Variants in SPRED1 observed in about 807,000 individuals in gnomAD.
SPRED1 encodes the protein sprouty-related, EVH1 domain-containing protein 1.
SPRED1 carries 18 observed loss-of-function variants against 52.3 expected under a neutral mutation model. The observed-to-expected ratio is 0.34, with a 90% CI of 0.24 to 0.51. The LOEUF (loss-of-function observed/expected upper bound fraction) is 0.51, where lower values mean the gene tolerates loss of function less well. Among genes scored for constraint, SPRED1 ranks in the 20% least tolerant of loss-of-function variants. The pLI is 0.97. For missense variants in SPRED1, 485 were observed against 551.0 expected (o/e 0.88, Z 1.20); for synonymous variants, 155 against 179.7 (o/e 0.86, Z 1.10).
chr15:38,353,997 A>AT lies in SPRED1; in HGVS notation c.*2339dup, dbSNP rs1888550808. ...GCTAAGATTTTGCCGTCCCATTCCC[A>AT]TTTTTTCCTTTACAATTTTAAACAA... On this transcript the variant is annotated 3_prime_UTR_variant, in exon 7 of 7. Coordinates refer to ENST00000299084, the MANE Select transcript of SPRED1 (RefSeq NM_152594.3). 6.6e-6 allele frequency: 1 copy of AT among 152,430 alleles called. No individual in the cohort carries two copies. 9.4% of individuals were successfully genotyped at this position (152,430 alleles called of 1,614,324 possible).
chr15:38,334,608 GT>G (rs1434450629), intron 4 of SPRED1, among the ~76,000 whole-genome samples: 1 of 151,958 alleles, frequency 6.6e-6, no homozygotes, highest in East Asian at 1.9e-4. Context: ...ATCATGCCAT[GT>G]TGACTGTTCT....
intron 1 of SPRED1, among the ~76,000 whole-genome samples, chr15:38,277,867 G>C (rs1894591620): frequency 6.6e-6 from 1 of 150,984 alleles, no homozygotes; most frequent in Admixed American, 6.6e-5. Context: ...GATTAGTGAT[G>C]TTGAGCATTT....
Position 38,351,750 on chromosome 15 carries a change from T to G in SPRED1, c.*86T>G, listed in dbSNP as rs1009278466. 2.7e-6 allele frequency: 4 copies of G among 1,491,852 alleles called. No homozygotes were observed. Among genetic ancestry groups the G allele is most frequent in the Non-Finnish European group, 3.7e-6 (4 of 1,095,586 alleles). 92.4% of individuals were successfully genotyped at this position (1,491,852 alleles called of 1,614,324 possible). A position where few individuals can be genotyped will look rare whatever the true frequency, so the allele number is the denominator to read the frequency against. ...TTGTGGAAGCTTTTGGCAAGCAATA[T>G]GGAATCTTGCCTGGTATCATTGAGC... is the stretch of plus-strand genomic sequence containing the variant. On this transcript the variant is annotated 3_prime_UTR_variant, in exon 7 of 7. Transcript: ENST00000299084.
At chr15:38,328,918 G>A (rs1291191378) in intron 4 of SPRED1, among the ~76,000 whole-genome samples, 6 of 152,004 alleles carry the variant, frequency 3.9e-5, no homozygotes, top group African/African-American at 1.2e-4. Flanking sequence ...GTTTTGCCAC[G>A]TTGCCCAGGC....
intron 4 of SPRED1, among the ~76,000 whole-genome samples, chr15:38,325,715 C>T (rs1038945232): frequency 3.0e-4 from 45 of 151,062 alleles, no homozygotes; most frequent in African/African-American, 1.1e-3. Flanking sequence ...GGAACTGAAG[C>T]GTTCAGACAA....
rs11632369 is a variant in SPRED1, at chr15:38,326,956, C to A, written c.423+2147C>A. On this transcript the variant is annotated intron_variant, in intron 4 of 6. Transcript: ENST00000299084. ...CACCTTGATTTCAGAATTATGTGCA[C>A]CAATAACTATGTTGTTCCTCTCATT... 1.2e-3 allele frequency among the ~76,000 whole-genome samples: 177 copies of A among 152,294 alleles called. 2 individuals carry two copies. The East Asian group carries it at 0.024, about 21-fold the overall frequency.
At chr15:38,272,123 G>T (rs974544852) in intron 1 of SPRED1, among the ~76,000 whole-genome samples, 1 of 152,074 alleles carries the variant, frequency 6.6e-6, no homozygotes, top group African/African-American at 2.4e-5. Context: ...TGGTATATAT[G>T]TACCACATTT....
rs549538289 is a variant in SPRED1 at position 38,283,690 on chromosome 15, G to T, written c.33-15683G>T. On this transcript the variant is annotated intron_variant, in intron 1 of 6. Coordinates refer to ENST00000299084, the MANE Select transcript of SPRED1 (RefSeq NM_152594.3). ...TTCCTTTCCAGTCACAGCAGAACTA[G>T]AACAGCAGGGGTTTAAATCCTTACT... Among the ~76,000 whole-genome samples, 46 of 152,266 alleles carry T rather than the reference G, an allele frequency of 3.0e-4. No individual in the cohort carries two copies. In the South Asian group the frequency reaches 9.1e-3, roughly 30 times the overall value.
At chr15:38,290,930 A>G (rs1032394422) in intron 1 of SPRED1, among the ~76,000 whole-genome samples, 5 of 152,090 alleles carry the variant, frequency 3.3e-5, no homozygotes, top group African/African-American at 9.7e-5. Flanking sequence ...TTCAAAACCA[A>G]TCATGCCTTC....
At chr15:38,253,704 C>G (rs1424635150) in intron 1 of SPRED1, among the ~76,000 whole-genome samples, 2 of 151,314 alleles carry the variant, frequency 1.3e-5, no homozygotes, top group Non-Finnish European at 3.0e-5. Context: ...CCTTCACCCT[C>G]TCCCCCCTCC....
chr15:38,343,154 C>G (rs916427330), intron 5 of SPRED1, among the ~76,000 whole-genome samples: 1 of 152,018 alleles, frequency 6.6e-6, no homozygotes, highest in African/African-American at 2.4e-5. Flanking sequence ...CAATAAAATT[C>G]AAATTCATCT....
In SPRED1 at chr15:38,351,814, T is replaced by C; in HGVS notation, c.*150T>C. 1.0e-6 allele frequency: 1 copy of C among 968,982 alleles called. No individual in the cohort carries two copies. Among genetic ancestry groups the C allele is most frequent in the Non-Finnish European group, 1.5e-6 (1 of 650,792 alleles). 60.0% of individuals were successfully genotyped at this position (968,982 alleles called of 1,614,324 possible). On this transcript the variant is annotated 3_prime_UTR_variant, in exon 7 of 7. Coordinates refer to ENST00000299084, the MANE Select transcript of SPRED1 (RefSeq NM_152594.3). The stretch of plus-strand genomic sequence containing the variant: ...AAGCAGAACTCATCAGTTCTTGGCG[T>C]TTCACGCCATGCCTAACTTTTCCCT...
At position 38,339,817 on chromosome 15, in the gene SPRED1, T is replaced by C. The variant is rs1421357473; in HGVS notation, c.504T>C (p.Tyr168=). 2.5e-6 allele frequency: 4 copies of C among 1,613,978 alleles called. No individual in the cohort carries two copies. Among genetic ancestry groups the C allele is most frequent in the African/African-American group, 2.7e-5 (2 of 75,062 alleles). The stretch of plus-strand genomic sequence containing the variant: ...AGACAGTTGTTACCAGTGAGCCTTA[T>C]AGAAGCTCAAATATAAGACCTTCTC... ...QQETVVTSEP[Y]RSSNIRPSPF... The change falls in exon 5 of 7, where the codon TAT becomes TAC. Residue 168 remains tyrosine (Y), a synonymous_variant. Coordinates refer to ENST00000299084, the MANE Select transcript of SPRED1 (RefSeq NM_152594.3).
chr15:38,354,305 CTT>C lies in SPRED1; in HGVS notation c.*2644_*2645del, dbSNP rs1888558572. On this transcript the variant is annotated 3_prime_UTR_variant, in exon 7 of 7. Coordinates refer to ENST00000299084, the MANE Select transcript of SPRED1 (RefSeq NM_152594.3). ...CTGCCAATTGGCTTTTCCTCTAAAA[CTT>C]TTCTTTGTTTTTATCTGATATAAGC... 6.6e-6 allele frequency: 1 copy of C among 152,156 alleles called. No homozygotes were observed. The highest frequency in any genetic ancestry group is 2.4e-5 in the African/African-American group (1 of 41,428). 9.4% of individuals were successfully genotyped at this position (152,156 alleles called of 1,614,324 possible).
chr15:38,253,090 C>G lies in SPRED1; in HGVS notation c.-96C>G. 9.0e-7 allele frequency: 1 copy of G among 1,110,566 alleles called. No homozygotes were observed. Among genetic ancestry groups the G allele is most frequent in the African/African-American group, 1.6e-5 (1 of 64,442 alleles). 68.8% of individuals were successfully genotyped at this position (1,110,566 alleles called of 1,614,324 possible). ...CCCCTGTGCCGCTGCCCCCGCGCCC[C>G]CCCGGCCGCCGCTGCCTCCTGCCCC... On this transcript the variant is annotated 5_prime_UTR_variant, in exon 1 of 7. Transcript: ENST00000299084.
chr15:38,267,968 A>G (rs1389580357), intron 1 of SPRED1, among the ~76,000 whole-genome samples: 1 of 152,236 alleles, frequency 6.6e-6, no homozygotes, highest in Non-Finnish European at 1.5e-5. Flanking sequence ...AATACACATA[A>G]TTAAAAACAT....
intron 2 of SPRED1, among the ~76,000 whole-genome samples, chr15:38,307,447 A>G (rs1166568144): frequency 6.6e-6 from 1 of 152,162 alleles, no homozygotes; most frequent in Admixed American, 6.5e-5. Flanking sequence ...ATGTCCTCAC[A>G]TGGTCTAGAG....
intron 1 of SPRED1, among the ~76,000 whole-genome samples, chr15:38,288,109 A>G (rs960058130): frequency 1.3e-5 from 2 of 152,014 alleles, no homozygotes; most frequent in African/African-American, 4.8e-5. Flanking sequence ...TCACCTCTCT[A>G]TCATTAAGAG....
intron 1 of SPRED1, among the ~76,000 whole-genome samples, chr15:38,280,021 G>A (rs1258713752): frequency 6.6e-6 from 1 of 152,102 alleles, no homozygotes; most frequent in Non-Finnish European, 1.5e-5. Flanking sequence ...CAGTCTCAGT[G>A]GAAACTTGGT....
Sources: allele counts gnomAD v4.1 joint callset (sites outside exome capture counted in the v4.1 genomes callset), GRCh38; gene constraint gnomAD v4.1.1; transcripts MANE v1.5; gene names NCBI Gene and HGNC (gene_info 2026-07-23, HGNC 2026-07-21).